DNAAF19: variants seen among roughly 807,000 people sequenced by gnomAD.
DNAAF19 encodes dynein axonemal assembly factor 19.
At chr17:44,901,073 G>A in the DNAAF19 span, 1 of 1,603,496 alleles carries the variant, frequency 6.2e-7, no homozygotes, top group Non-Finnish European at 8.5e-7. Flanking sequence ...CTGATGAGAA[G>A]TACAAACGGG....
At chr17:44,901,385 C>T in the DNAAF19 span, 1 of 1,138,662 alleles carries the variant, frequency 8.8e-7, no homozygotes, top group Non-Finnish European at 1.3e-6. Context: ...TGAAAGCAGT[C>T]AGCTATCGCT....
At chr17:44,902,481 C>T in the DNAAF19 span, 10 of 1,614,114 alleles carry the variant, frequency 6.2e-6, no homozygotes, top group Admixed American at 8.3e-5. Context: ...GTCCAAGGCT[C>T]GGCTGCCTCT....
chr17:44,904,749 T>C, the DNAAF19 span: 1 of 1,550,558 alleles, frequency 6.4e-7, no homozygotes. Flanking sequence ...CGCCAGCACC[T>C]CTACCGCACA....
the DNAAF19 span, chr17:44,902,843 C>T: frequency 6.7e-7 from 1 of 1,503,116 alleles, no homozygotes; most frequent in Non-Finnish European, 8.9e-7. Context: ...TCAGAGGTCC[C>T]AGTGGTCACT....
chr17:44,904,663 G>A, the DNAAF19 span: 1 of 1,550,584 alleles, frequency 6.4e-7, no homozygotes, highest in South Asian at 1.2e-5. Flanking sequence ...AGTTCCACCA[G>A]CAGAGACTGG....
At chr17:44,904,120 C>T in the DNAAF19 span, 55 of 1,550,436 alleles carry the variant, frequency 3.5e-5, no homozygotes, top group East Asian at 7.3e-5. Context: ...GTGTGGGCAG[C>T]GACATGCTGA....
At chr17:44,904,799 A>G in the DNAAF19 span, 1,688 of 1,550,628 alleles carry the variant, frequency 1.1e-3, 2 homozygotes, top group Admixed American at 2.7e-3. Context: ...GAGGGTGTTC[A>G]TTGACCACGG....
the DNAAF19 span, chr17:44,901,708 T>C: frequency 6.4e-7 from 1 of 1,574,356 alleles, no homozygotes; most frequent in South Asian, 1.2e-5. Flanking sequence ...AAAGCTTCAA[T>C]CCTGTTTTTT....
At chr17:44,904,001 G>A in the DNAAF19 span, 49 of 1,550,502 alleles carry the variant, frequency 3.2e-5, no homozygotes, top group East Asian at 2.0e-4. Flanking sequence ...CTGCAAACCC[G>A]AAGAGGTGCC....
chr17:44,901,051 C>G, the DNAAF19 span: 16 of 1,599,948 alleles, frequency 1.0e-5, no homozygotes, highest in Non-Finnish European at 1.4e-5. Context: ...GAGCTGCAGG[C>G]TGCACTCACT....
At chr17:44,900,285 GAAAA>G in the DNAAF19 span, among the ~76,000 whole-genome samples, 1 of 144,220 alleles carries the variant, frequency 6.9e-6, no homozygotes, top group African/African-American at 2.6e-5. Flanking sequence ...AACAGAGCCA[GAAAA>G]AAAAAAAAAG....
At chr17:44,904,194 T>G in the DNAAF19 span, 1 of 1,550,560 alleles carries the variant, frequency 6.4e-7, no homozygotes, top group East Asian at 2.4e-5. Context: ...GACTCAGGCC[T>G]GTACTTCTGC....
At chr17:44,904,791 G>C in the DNAAF19 span, 1 of 1,550,640 alleles carries the variant, frequency 6.4e-7, no homozygotes, top group African/African-American at 1.4e-5. Context: ...AGGTCCATGA[G>C]GGTGTTCATT....
the DNAAF19 span, chr17:44,901,002 GA>G: frequency 6.2e-7 from 1 of 1,602,564 alleles, no homozygotes; most frequent in Admixed American, 1.8e-5. Context: ...ACAGGCCATG[GA>G]AAGGAATGAC....
At chr17:44,905,246 G>A in the DNAAF19 span, 7 of 610,514 alleles carry the variant, frequency 1.1e-5, no homozygotes, top group Non-Finnish European at 2.1e-5. Context: ...GAGAAGTGGA[G>A]GGGCCTGAGG....
chr17:44,902,453 C>G, the DNAAF19 span: 1 of 1,614,246 alleles, frequency 6.2e-7, no homozygotes, highest in Admixed American at 1.7e-5. Context: ...CGCTACCAGG[C>G]TCTACTGCAG....
the DNAAF19 span, chr17:44,903,500 C>A: frequency 1.6e-6 from 2 of 1,276,474 alleles, no homozygotes; most frequent in Non-Finnish European, 2.0e-6. Context: ...GCCCGAGCAC[C>A]TCGGCCCGCC....
the DNAAF19 span, chr17:44,901,440 A>T: frequency 1.3e-6 from 2 of 1,523,226 alleles, no homozygotes; most frequent in Admixed American, 3.5e-5. Context: ...GGTTTATCCT[A>T]TACCATGCAA....
At chr17:44,902,128 GA>G in the DNAAF19 span, among the ~76,000 whole-genome samples, 1 of 152,172 alleles carries the variant, frequency 6.6e-6, no homozygotes, top group Non-Finnish European at 1.5e-5. Context: ...TCATGAGTAG[GA>G]AAATTCCAGT....
Sources: allele counts gnomAD v4.1 joint callset (sites outside exome capture counted in the v4.1 genomes callset), GRCh38; gene constraint gnomAD v4.1.1; transcripts MANE v1.5; gene names NCBI Gene and HGNC (gene_info 2026-07-23, HGNC 2026-07-21).